ATOSA: variants seen among roughly 807,000 people sequenced by gnomAD.
The protein encoded by ATOSA is atos homolog A, also known as atos homolog protein A.
chr15:52,672,279 T>A, the ATOSA span, among the ~76,000 whole-genome samples: 1 of 151,108 alleles, frequency 6.6e-6, no homozygotes, highest in East Asian at 1.9e-4. Context: ...ATCCCAGGAG[T>A]TGGAGGCTAC....
the ATOSA span, among the ~76,000 whole-genome samples, chr15:52,596,158 T>C: frequency 1.3e-5 from 2 of 152,040 alleles, no homozygotes; most frequent in African/African-American, 4.8e-5. Context: ...TGCTAAAAAC[T>C]ATAAAACACT....
the ATOSA span, among the ~76,000 whole-genome samples, chr15:52,662,516 A>G: frequency 2.6e-5 from 4 of 152,214 alleles, no homozygotes; most frequent in African/African-American, 4.8e-5. Flanking sequence ...CAAGCCTGTA[A>G]TCCCAGCACT....
At chr15:52,694,157 GATAT>G in the ATOSA span, among the ~76,000 whole-genome samples, 4 of 115,418 alleles carry the variant, frequency 3.5e-5, no homozygotes, top group East Asian at 2.1e-4. Context: ...TGTATATATA[GATAT>G]ATATATATTT....
the ATOSA span, chr15:52,585,003 A>G: frequency 7.2e-7 from 1 of 1,398,470 alleles, no homozygotes. Flanking sequence ...TGTGATTCAG[A>G]ATGATTGTGC....
the ATOSA span, chr15:52,611,808 T>C: frequency 1.9e-6 from 3 of 1,595,320 alleles, no homozygotes; most frequent in South Asian, 3.3e-5. Context: ...GCAAAATGTC[T>C]CAAAAACCCA....
chr15:52,700,045 G>A, the ATOSA span, among the ~76,000 whole-genome samples: 20 of 152,132 alleles, frequency 1.3e-4, no homozygotes, highest in African/African-American at 4.1e-4. Flanking sequence ...TAAATTTTTC[G>A]AATCTAAAGT....
chr15:52,658,095 T>G, the ATOSA span: 3 of 152,180 alleles, frequency 2.0e-5, no homozygotes, highest in Non-Finnish European at 4.4e-5. Flanking sequence ...CATATCATAT[T>G]CAACAAACAT....
chr15:52,643,646 T>C, the ATOSA span, among the ~76,000 whole-genome samples: 4,969 of 151,778 alleles, frequency 0.033, 253 homozygotes, highest in African/African-American at 0.11. Flanking sequence ...CCGGGCGCAG[T>C]GGCTCACGCC....
the ATOSA span, among the ~76,000 whole-genome samples, chr15:52,621,526 T>C: frequency 6.6e-6 from 1 of 152,232 alleles, no homozygotes; most frequent in Admixed American, 6.5e-5. Flanking sequence ...CCACTTTGAA[T>C]TGTAATAATC....
chr15:52,697,466 T>C, the ATOSA span, among the ~76,000 whole-genome samples: 1 of 152,236 alleles, frequency 6.6e-6, no homozygotes, highest in Non-Finnish European at 1.5e-5. Flanking sequence ...TGTGAACAGA[T>C]GCTTCATAAA....
chr15:52,590,580 G>A, the ATOSA span: 1 of 152,146 alleles, frequency 6.6e-6, no homozygotes, highest in Non-Finnish European at 1.5e-5. Context: ...AGAGTAACAA[G>A]GTTATTATAA....
the ATOSA span, among the ~76,000 whole-genome samples, chr15:52,619,685 C>T: frequency 0.01 from 1,559 of 151,768 alleles, 26 homozygotes; most frequent in African/African-American, 0.036. Context: ...ATACAAAAAT[C>T]AGCCAGGATG....
chr15:52,584,997 A>T, the ATOSA span: 1 of 1,413,700 alleles, frequency 7.1e-7, no homozygotes, highest in Non-Finnish European at 9.6e-7. Flanking sequence ...TGTTGATGTG[A>T]TTCAGAATGA....
At chr15:52,636,405 G>C in the ATOSA span, among the ~76,000 whole-genome samples, 1 of 152,162 alleles carries the variant, frequency 6.6e-6, no homozygotes, top group South Asian at 2.1e-4. Context: ...ACCCTCAAAG[G>C]GGACTGTAGT....
At chr15:52,678,242 G>T in the ATOSA span, 5 of 619,660 alleles carry the variant, frequency 8.1e-6, no homozygotes, top group South Asian at 9.8e-5. Flanking sequence ...CCCTCGGCTG[G>T]TCTGAAAAAA....
At chr15:52,679,774 CT>C in the ATOSA span, among the ~76,000 whole-genome samples, 2 of 122,292 alleles carry the variant, frequency 1.6e-5, no homozygotes, top group Non-Finnish European at 3.6e-5. Flanking sequence ...CCTCCTCCTC[CT>C]CCTCCTCCTC....
chr15:52,671,454 G>C, the ATOSA span, among the ~76,000 whole-genome samples: 1 of 152,122 alleles, frequency 6.6e-6, no homozygotes, highest in Non-Finnish European at 1.5e-5. Context: ...TAACAAATAT[G>C]TATTAAACAC....
At chr15:52,585,075 G>A in the ATOSA span, 5 of 638,310 alleles carry the variant, frequency 7.8e-6, no homozygotes, top group African/African-American at 5.6e-5. Context: ...CAGTTTCAAG[G>A]ACTAAAATTA....
chr15:52,600,271 G>A, the ATOSA span: 4 of 1,302,420 alleles, frequency 3.1e-6, no homozygotes, highest in African/African-American at 6.3e-5. Flanking sequence ...GAACACATTA[G>A]CCACAATACT....
Sources: allele counts gnomAD v4.1 joint callset (sites outside exome capture counted in the v4.1 genomes callset), GRCh38; gene constraint gnomAD v4.1.1; transcripts MANE v1.5; gene names NCBI Gene and HGNC (gene_info 2026-07-23, HGNC 2026-07-21).